Variants in PFKP observed in about 807,000 individuals in gnomAD.
PFKP encodes ATP-dependent 6-phosphofructokinase, platelet type.
In PFKP, 101 loss-of-function variants were observed where a neutral mutation model predicts 94.3. The ratio of observed to expected loss-of-function variants is 1.07; its 90% CI spans 0.91 to 1.26. PFKP has a LOEUF of 1.26. Among genes scored for constraint, PFKP ranks in the 50% most tolerant of loss-of-function variants. PFKP has a pLI of 0.00. For missense variants in PFKP, 1,145 were observed against 1,103.3 expected (o/e 1.04, Z -0.53); for synonymous variants, 573 against 432.6 (o/e 1.32, Z -4.03).
chr10:3,087,591 G>A (rs1424737655), intron 2 of PFKP, among the ~76,000 whole-genome samples: 3 of 152,202 alleles, frequency 2.0e-5, no homozygotes, highest in South Asian at 2.1e-4. Context: ...ATAGTAAGTG[G>A]CACCTTCGAA....
intron 8 of PFKP, chr10:3,107,968 C>T: frequency 2.3e-6 from 3 of 1,289,718 alleles, no homozygotes; most frequent in Non-Finnish European, 3.0e-6. Flanking sequence ...CCCCACCTGG[C>T]TTTGCAAGTC....
Position 3,135,755 on chromosome 10 carries a change from T to A in PFKP, c.2142T>A (p.Asp714Glu). 1 of 1,611,724 alleles carries A rather than the reference T, an allele frequency of 6.2e-7. No individual in the cohort carries two copies. Among genetic ancestry groups the A allele is most frequent in the Non-Finnish European group, 8.5e-7 (1 of 1,178,146 alleles). Residue 714 changes from aspartate to glutamate, a missense_variant, in exon 21 of 22, where the codon GAT (aspartate) becomes GAA (glutamate). This residue lies in a region of PFKP where 1,119 missense variants were observed against 1,062.8 expected (regional missense o/e 1.05). Transcript: ENST00000381125. ...TTATAGGAAAAAAATTTACCACCGA[T>A]GATTCCATTTGTGTGCTGGGAATAA... ...ARGRGKKFTTDDSICVLGISK... is the reference protein window; with the variant it reads ...ARGRGKKFTTEDSICVLGISK...
intron 2 of PFKP, among the ~76,000 whole-genome samples, chr10:3,095,733 T>G (rs1292225369): frequency 6.6e-6 from 1 of 152,256 alleles, no homozygotes; most frequent in Admixed American, 6.5e-5. Context: ...TCTGAATTTC[T>G]ACGTTGTAGT....
intron 2 of PFKP, among the ~76,000 whole-genome samples, chr10:3,091,125 C>T (rs908956277): frequency 5.3e-5 from 8 of 152,170 alleles, no homozygotes; most frequent in Admixed American, 5.2e-4. Context: ...GCATGCCAAG[C>T]CTTGGGCTGC....
intron 17 of PFKP, among the ~76,000 whole-genome samples, chr10:3,131,071 T>G (rs1838526919): frequency 6.6e-6 from 1 of 152,054 alleles, no homozygotes. Flanking sequence ...GTTTTTTATC[T>G]TTTATAAAAA....
chr10:3,122,900 CT>C (rs1284658888), intron 16 of PFKP, among the ~76,000 whole-genome samples: 2 of 152,304 alleles, frequency 1.3e-5, no homozygotes, highest in Admixed American at 1.3e-4. Context: ...ACAAGGGACG[CT>C]GCGGAACGTC....
chr10:3,067,680 G>T lies in PFKP; in HGVS notation c.85G>T (p.Val29Leu). 2 of 1,526,276 alleles carry T rather than the reference G, an allele frequency of 1.3e-6. No homozygotes were observed. The highest frequency in any genetic ancestry group is 1.2e-5 in the South Asian group (1 of 82,444). The allele number at this position is 1,526,276 out of a possible 1,614,324, so 94.5% of individuals were successfully genotyped here. A position where few individuals can be genotyped will look rare whatever the true frequency, so the allele number is the denominator to read the frequency against. ...HLSGAGKAIG[V>L]LTSGGDAQGM... ...CTCCGGGGCCGGCAAGGCCATCGGC[G>T]TGCTGACCAGCGGCGGGGATGCTCA... Residue 29 changes from valine (V) to leucine (L), a missense_variant, in exon 1 of 22, where the codon GTG becomes TTG. Val to Leu is a conservative substitution (Grantham distance 32, BLOSUM62 1). Coordinates refer to ENST00000381125, the MANE Select transcript of PFKP (RefSeq NM_002627.5).
At chr10:3,135,890 CAG>C (rs1435485734) in intron 21 of PFKP, 52 bp downstream of exon 21, 8 of 1,051,838 alleles carry the variant, frequency 7.6e-6, no homozygotes, top group Non-Finnish European at 1.2e-5. Flanking sequence ...GAGTACGGGA[CAG>C]GGGAATGGCC....
chr10:3,106,016 C>A lies in PFKP; in HGVS notation c.774+515C>A, dbSNP rs564907365. Among the ~76,000 whole-genome samples, 8 of 152,346 alleles carry A rather than the reference C, an allele frequency of 5.3e-5. No individual in the cohort carries two copies. The South Asian group carries it at 1.7e-3, about 32-fold the overall frequency. On this transcript the variant is annotated intron_variant, in intron 7 of 21. Transcript: ENST00000381125. ...GCAGTGTGAGGCCTTTCGGGTGCAG[C>A]TGCAGCTGCCAGAAACCCACTGTCT...
At chr10:3,127,196 TA>T (rs1272979931) in intron 16 of PFKP, among the ~76,000 whole-genome samples, 1 of 152,248 alleles carries the variant, frequency 6.6e-6, no homozygotes, top group African/African-American at 2.4e-5. Flanking sequence ...AAGCTGTATC[TA>T]AGCTCCAGCA....
intron 2 of PFKP, among the ~76,000 whole-genome samples, chr10:3,094,761 C>A (rs1834343873): frequency 6.6e-6 from 1 of 152,164 alleles, no homozygotes; most frequent in African/African-American, 2.4e-5. Flanking sequence ...TCAGAGCTGA[C>A]CTCTGCATGC....
rs1588523837 is a variant in PFKP, at chr10:3,118,685, G to C, written c.1443-97G>C. ...TTACCGCTCCTTAATTAAAACCACA[G>C]ACTGGGGAAGGCGGCCGGGTGGGGA... On this transcript the variant is annotated intron_variant, in intron 14 of 21. Coordinates refer to ENST00000381125, the MANE Select transcript of PFKP (RefSeq NM_002627.5). 5 of 779,218 alleles carry C rather than the reference G, an allele frequency of 6.4e-6. No individual in the cohort carries two copies. In the East Asian group the frequency reaches 1.1e-4, roughly 17 times the overall value. The allele number at this position is 779,218 out of a possible 1,614,324, so 48.3% of individuals were successfully genotyped here.
At chr10:3,127,727 T>C (rs1216209365) in intron 16 of PFKP, among the ~76,000 whole-genome samples, 2 of 152,180 alleles carry the variant, frequency 1.3e-5, no homozygotes, top group African/African-American at 4.8e-5. Flanking sequence ...AGCACAAAGA[T>C]GGGAATTCTT....
At chr10:3,133,377 G>T in intron 19 of PFKP, 63 bp downstream of exon 19, 1 of 1,061,042 alleles carries the variant, frequency 9.4e-7, no homozygotes, top group Non-Finnish European at 1.5e-6. Context: ...AAAGATTAGT[G>T]TCTTATTTTA....
At chr10:3,117,403 C>T (rs1033984352) in intron 14 of PFKP, among the ~76,000 whole-genome samples, 3 of 152,172 alleles carry the variant, frequency 2.0e-5, no homozygotes, top group African/African-American at 7.2e-5. Context: ...TAATTCTCAC[C>T]TTTGATCATG....
chr10:3,110,914 T>A (rs1334107460), intron 10 of PFKP, among the ~76,000 whole-genome samples: 1 of 150,670 alleles, frequency 6.6e-6, no homozygotes, highest in East Asian at 1.9e-4. Context: ...GCATGCATGT[T>A]TGTACGTGTG....
intron 2 of PFKP, among the ~76,000 whole-genome samples, chr10:3,098,668 GTC>G (rs1834696930): frequency 1.6e-4 from 2 of 12,712 alleles, no homozygotes; most frequent in African/African-American, 2.9e-4. Flanking sequence ...GTGAGACTCC[GTC>G]TCAAAAAAAA....
At chr10:3,118,323 C>T (rs918530546) in intron 14 of PFKP, among the ~76,000 whole-genome samples, 2 of 151,972 alleles carry the variant, frequency 1.3e-5, no homozygotes, top group African/African-American at 4.8e-5. Context: ...AAAAAATTAG[C>T]CGGGCGTGGT....
intron 19 of PFKP, among the ~76,000 whole-genome samples, 186 bp from the exon 20 acceptor site, chr10:3,134,297 G>T (rs2306313): frequency 2.6e-5 from 4 of 152,298 alleles, no homozygotes; most frequent in African/African-American, 9.6e-5. Flanking sequence ...CTGAGCGGGG[G>T]GAACACTTGA....
Sources: allele counts gnomAD v4.1 joint callset (sites outside exome capture counted in the v4.1 genomes callset), GRCh38; gene constraint gnomAD v4.1.1; regional missense constraint gnomAD v4.1.1; transcripts MANE v1.5; gene names NCBI Gene and HGNC (gene_info 2026-07-23, HGNC 2026-07-21).